SUPT20H: variants seen among roughly 807,000 people sequenced by gnomAD.
SUPT20H encodes transcription factor SPT20 homolog.
SUPT20H carries 82 observed loss-of-function variants against 122.8 expected under a neutral mutation model. The observed-to-expected ratio is 0.67, with a 90% confidence interval of 0.56 to 0.80. The LOEUF (loss-of-function observed/expected upper bound fraction) is 0.80. Ranked by LOEUF, SUPT20H falls within the 30% of genes least tolerant of loss-of-function variation. The pLI, the probability that SUPT20H is intolerant of heterozygous loss-of-function variation, is 0.00. For synonymous variants in SUPT20H, 291 were observed against 313.0 expected (o/e 0.93, Z 0.74); for missense variants, 831 against 921.6 (o/e 0.90, Z 1.27).
intron 6 of SUPT20H, 32 bp from the exon 7 acceptor site, chr13:37,044,213 C>G: frequency 6.5e-7 from 1 of 1,543,576 alleles, no homozygotes; most frequent in Non-Finnish European, 8.9e-7. Context: ...TGAAAATGAT[C>G]ATGCTCACTG....
intron 23 of SUPT20H, among the ~76,000 whole-genome samples, chr13:37,016,152 C>A (rs1463322606): frequency 6.6e-6 from 1 of 152,086 alleles, no homozygotes; most frequent in Non-Finnish European, 1.5e-5. Flanking sequence ...AAGTTTTGGC[C>A]AGGCACGGTG....
intron 23 of SUPT20H, among the ~76,000 whole-genome samples, chr13:37,015,590 G>T (rs547381499): frequency 6.6e-6 from 1 of 152,056 alleles, no homozygotes; most frequent in African/African-American, 2.4e-5. Context: ...ATGGGAATTA[G>T]GTAAAATGGT....
intron 23 of SUPT20H, chr13:37,014,022 C>G (rs544646093): frequency 1.3e-5 from 2 of 151,928 alleles, no homozygotes; most frequent in African/African-American, 4.8e-5. Context: ...AATATTCAAA[C>G]AAGGAGGAAT....
At chr13:37,043,227 G>A (rs1349624345) in intron 7 of SUPT20H, among the ~76,000 whole-genome samples, 1 of 152,212 alleles carries the variant, frequency 6.6e-6, no homozygotes, top group African/African-American at 2.4e-5. Context: ...TATTTTAACG[G>A]GAAGGCAGGC....
chr13:37,019,208 G>T, intron 22 of SUPT20H, 134 bp downstream of exon 22: 1 of 585,260 alleles, frequency 1.7e-6, no homozygotes, highest in Non-Finnish European at 3.0e-6. Flanking sequence ...TACAAAGGTA[G>T]CAATAATAAC....
chr13:37,039,689 ACTT>A (rs942867680), intron 9 of SUPT20H: 3 of 152,024 alleles, frequency 2.0e-5, no homozygotes, highest in South Asian at 2.1e-4. Flanking sequence ...GCTCCTTCTG[ACTT>A]CTTTTTGTTT....
chr13:37,023,039 C>T (rs1473429574), intron 19 of SUPT20H: 2 of 1,282,166 alleles, frequency 1.6e-6, no homozygotes, highest in East Asian at 1.1e-4. Flanking sequence ...TTTTAGCTTT[C>T]ATGTCCTGCA....
intron 10 of SUPT20H, among the ~76,000 whole-genome samples, 157 bp downstream of exon 10, chr13:37,033,292 A>G (rs892368171): frequency 3.9e-5 from 6 of 152,052 alleles, no homozygotes; most frequent in Non-Finnish European, 5.9e-5. Flanking sequence ...CTTGAGGCCA[A>G]GAGTTTGAGA....
At chr13:37,027,536 G>A (rs938028717) in intron 14 of SUPT20H, among the ~76,000 whole-genome samples, 2 of 151,632 alleles carry the variant, frequency 1.3e-5, no homozygotes, top group South Asian at 2.1e-4. Flanking sequence ...CATAGACCTC[G>A]CCCCCATCCT....
chr13:37,018,329 CG>C (rs2060888559), intron 22 of SUPT20H, among the ~76,000 whole-genome samples: 1 of 152,112 alleles, frequency 6.6e-6, no homozygotes, highest in Non-Finnish European at 1.5e-5. Context: ...AGCAATATGC[CG>C]GAAGGTAGGC....
chr13:37,030,223 G>A (rs2063055219), intron 12 of SUPT20H, among the ~76,000 whole-genome samples: 2 of 152,200 alleles, frequency 1.3e-5, no homozygotes, highest in East Asian at 1.9e-4. Flanking sequence ...AAATAAAAGC[G>A]GTCATGTAAC....
chr13:37,044,024 AT>A (rs1322150951), intron 7 of SUPT20H, 53 bp downstream of exon 7: 11 of 1,085,926 alleles, frequency 1.0e-5, no homozygotes, highest in Non-Finnish European at 1.4e-5. Flanking sequence ...TGACATATAT[AT>A]ATCATATACA....
chr13:37,027,526 CAT>C (rs1340326814), intron 14 of SUPT20H, among the ~76,000 whole-genome samples: 1 of 152,006 alleles, frequency 6.6e-6, no homozygotes, highest in African/African-American at 2.4e-5. Flanking sequence ...TTACAATTAA[CAT>C]AGACCTCGCC....
intron 2 of SUPT20H, among the ~76,000 whole-genome samples, chr13:37,051,227 A>G (rs148011324): frequency 2.8e-4 from 43 of 152,324 alleles, no homozygotes; most frequent in African/African-American, 9.6e-4. Flanking sequence ...AATATGGCAA[A>G]GTAGATATAG....
intron 12 of SUPT20H, among the ~76,000 whole-genome samples, chr13:37,030,674 A>T (rs922786943): frequency 6.6e-6 from 1 of 152,128 alleles, no homozygotes; most frequent in Non-Finnish European, 1.5e-5. Flanking sequence ...ACAATTTAAC[A>T]AGCTCTCCAG....
intron 7 of SUPT20H, among the ~76,000 whole-genome samples, chr13:37,043,847 G>A (rs1252454893): frequency 1.3e-5 from 2 of 150,954 alleles, no homozygotes; most frequent in African/African-American, 2.4e-5. Context: ...TGATCCTCCT[G>A]CCTTAGCCTC....
In SUPT20H at chr13:37,021,428, A is replaced by C. The variant is rs1454198346; in HGVS notation, c.1816+20T>G. Reference sequence around the variant, plus strand: ...TATACTTTAATTTTTTTTAGAGGTTATTATTTCCAACATTCTGACCTGCTT... The same window carrying C: ...TATACTTTAATTTTTTTTAGAGGTTCTTATTTCCAACATTCTGACCTGCTT... On this transcript the variant is annotated intron_variant, in intron 21 of 25. Transcript: ENST00000350612. 1 of 1,570,846 alleles carries C rather than the reference A, an allele frequency of 6.4e-7. No individual in the cohort carries two copies. Among genetic ancestry groups the C allele is most frequent in the African/African-American group, 1.4e-5 (1 of 73,240 alleles).
chr13:37,044,160 G>A lies in SUPT20H; in HGVS notation c.314C>T (p.Pro105Leu). 1 of 1,611,910 alleles carries A rather than the reference G, an allele frequency of 6.2e-7. No homozygotes were observed. ...NGSDSETIRLPYEEGELLEYL... is the reference protein window; with the variant it reads ...NGSDSETIRLLYEEGELLEYL... Reference sequence around the variant, plus strand: ...TTCAAGCAACTCTCCTTCTTCATAGGGCAGTCGAATGGTCTCGGAATCTTA... The same window carrying A: ...TTCAAGCAACTCTCCTTCTTCATAGAGCAGTCGAATGGTCTCGGAATCTTA... Residue 105 changes from proline (P) to leucine (L), a missense_variant, in exon 7 of 26, where the codon CCC (proline) becomes CTC (leucine). Pro to Leu is a moderately conservative substitution (Grantham distance 98, BLOSUM62 -3). Coordinates refer to ENST00000350612, the MANE Select transcript of SUPT20H (RefSeq NM_001014286.3).
rs538133378 is a variant in SUPT20H at position 37,055,852 on chromosome 13, G to A, written c.-94+3707C>T. On this transcript the variant is annotated intron_variant, in intron 1 of 25. Coordinates refer to ENST00000350612, the MANE Select transcript of SUPT20H (RefSeq NM_001014286.3). ...GGCAACCTACAGAATGGGAGAAAAT[G>A]TTTGCAATCTACTCATCTGACAAAG... Among the ~76,000 whole-genome samples the A allele has an allele frequency of 2.4e-3, 365 of 152,058 alleles. 3 individuals are homozygous for A. The highest frequency in any genetic ancestry group is 8.1e-3 in the African/African-American group (337 of 41,518).
Sources: gnomAD v4.1 joint callset for allele counts (sites outside exome capture counted in the v4.1 genomes callset) on GRCh38, gnomAD v4.1.1 for gene constraint, MANE v1.5 for transcripts, NCBI Gene and HGNC (gene_info 2026-07-23, HGNC 2026-07-21) for gene names.